Variants in KCNIP4 observed in about 807,000 individuals in gnomAD.
The protein encoded by KCNIP4 is Kv channel-interacting protein 4.
A neutral mutation model predicts 34.0 loss-of-function variants in KCNIP4; 12 were observed. That is an observed-to-expected ratio of 0.35 (90% confidence interval 0.23 to 0.57). The LOEUF (loss-of-function observed/expected upper bound fraction) is 0.57. Ranked by LOEUF, KCNIP4 falls within the 20% of genes least tolerant of loss-of-function variation. The pLI, the probability that KCNIP4 is intolerant of heterozygous loss-of-function variation, is 0.83. For missense variants in KCNIP4, 238 were observed against 311.7 expected, an observed-to-expected ratio of 0.76 and a Z score of 1.78; for synonymous variants, 124 against 102.2, an observed-to-expected ratio of 1.21 and a Z score of -1.29.
chr4:20,795,031 T>G (rs1366950230), intron 3 of KCNIP4, among the ~76,000 whole-genome samples: 3 of 152,182 alleles, frequency 2.0e-5, no homozygotes, highest in Admixed American at 2.0e-4. Flanking sequence ...TTGCAGTAAT[T>G]TACAGCTTGA....
intron 1 of KCNIP4, among the ~76,000 whole-genome samples, chr4:21,105,081 C>T (rs1206595136): frequency 1.3e-5 from 2 of 151,656 alleles, no homozygotes; most frequent in Non-Finnish European, 2.9e-5. Flanking sequence ...AATGTGGTCT[C>T]TTTTTTGGTT....
chr4:21,289,177 C>T (rs1763290422), intron 1 of KCNIP4, among the ~76,000 whole-genome samples: 1 of 152,100 alleles, frequency 6.6e-6, no homozygotes, highest in Admixed American at 6.5e-5. Flanking sequence ...ATTAAGGATA[C>T]ATAATGGGTG....
intron 1 of KCNIP4, among the ~76,000 whole-genome samples, chr4:21,063,972 C>A (rs1293708475): frequency 6.6e-6 from 1 of 152,060 alleles, no homozygotes; most frequent in South Asian, 2.1e-4. Flanking sequence ...CTCTGCAGAT[C>A]CAAAGATTCA....
intron 3 of KCNIP4, among the ~76,000 whole-genome samples, chr4:20,770,982 A>C (rs1378188844): frequency 1.3e-5 from 2 of 152,112 alleles, no homozygotes; most frequent in Non-Finnish European, 2.9e-5. Context: ...ACAATATAAC[A>C]ACTATTTACA....
intron 1 of KCNIP4, among the ~76,000 whole-genome samples, chr4:21,519,822 C>CACACGTGTGTGTATGTGTGTAT (rs1735361839): frequency 7.2e-6 from 1 of 138,080 alleles, no homozygotes; most frequent in African/African-American, 2.7e-5. Flanking sequence ...TGTGTGTATA[C>CACACGTGTGTGTATGTGTGTAT]ACACGTGTGT....
chr4:21,770,813 G>T (rs975965175), intron 1 of KCNIP4, among the ~76,000 whole-genome samples: 1 of 152,016 alleles, frequency 6.6e-6, no homozygotes, highest in African/African-American at 2.4e-5. Flanking sequence ...TTGTAAATAT[G>T]TTTAAGTTAC....
At chr4:21,215,654 T>C (rs986616214) in intron 1 of KCNIP4, among the ~76,000 whole-genome samples, 1 of 152,132 alleles carries the variant, frequency 6.6e-6, no homozygotes, top group African/African-American at 2.4e-5. Context: ...CTGGCACATC[T>C]TACAGGATAG....
intron 1 of KCNIP4, among the ~76,000 whole-genome samples, chr4:21,686,903 A>C (rs1056760769): frequency 6.6e-6 from 1 of 150,728 alleles, no homozygotes. Flanking sequence ...ACAATAGCAA[A>C]GACTTGGAAC....
rs536115671 is a variant in KCNIP4, at chr4:21,642,049, C to T, written c.61+306522G>A. On this transcript the variant is annotated intron_variant, in intron 1 of 8. Transcript: ENST00000382152. ...GATATTGATTTGCCTTTTCTGCACACGATGTTTCTGCCAACACTACCTACT... is the reference window on the plus strand; with the variant it reads ...GATATTGATTTGCCTTTTCTGCACATGATGTTTCTGCCAACACTACCTACT... Among the ~76,000 whole-genome samples the T allele has an allele frequency of 1.8e-3, 270 of 152,282 alleles. 3 individuals are homozygous for T. Among genetic ancestry groups the T allele is most frequent in the African/African-American group, 6.1e-3 (254 of 41,554 alleles).
intron 1 of KCNIP4, among the ~76,000 whole-genome samples, chr4:21,678,305 A>ATTTTTTTTTT (rs59561334): frequency 6.8e-5 from 8 of 117,578 alleles, no homozygotes; most frequent in East Asian, 2.4e-4. Flanking sequence ...TCTTCTTTTG[A>ATTTTTTTTTT]TTTTTTTTTT....
At chr4:20,999,880 G>T (rs1737945823) in intron 1 of KCNIP4, among the ~76,000 whole-genome samples, 1 of 152,154 alleles carries the variant, frequency 6.6e-6, no homozygotes, top group South Asian at 2.1e-4. Context: ...TCTGAAACAA[G>T]AAGGAAACAG....
At chr4:21,598,127 C>T (rs546426932) in intron 1 of KCNIP4, among the ~76,000 whole-genome samples, 6 of 152,098 alleles carry the variant, frequency 3.9e-5, no homozygotes, top group East Asian at 3.9e-4. Context: ...GGAGAGAACA[C>T]GGAAGAATGT....
chr4:21,908,247 C>T (rs891883998), intron 1 of KCNIP4, among the ~76,000 whole-genome samples: 5 of 152,128 alleles, frequency 3.3e-5, no homozygotes, highest in Non-Finnish European at 7.4e-5. Flanking sequence ...TTCCACACTT[C>T]CCCTCATTCC....
chr4:21,365,478 A>AAATAAAT (rs1719653513), intron 1 of KCNIP4, among the ~76,000 whole-genome samples: 9 of 132,108 alleles, frequency 6.8e-5, no homozygotes, highest in African/African-American at 1.8e-4. Context: ...ACTGTCTCAA[A>AAATAAAT]AAATAAATAA....
chr4:21,246,308 C>T (rs1051733351), intron 1 of KCNIP4, among the ~76,000 whole-genome samples: 15 of 152,196 alleles, frequency 9.9e-5, no homozygotes, highest in African/African-American at 2.7e-4. Flanking sequence ...TCCCAAAAGA[C>T]AGACTGCCTG....
intron 5 of KCNIP4, among the ~76,000 whole-genome samples, chr4:20,743,581 A>T (rs527250045): frequency 4.5e-4 from 69 of 152,320 alleles, no homozygotes; most frequent in African/African-American, 1.6e-3. Flanking sequence ...AGAAAGCTGA[A>T]ACTGGATCCC....
intron 1 of KCNIP4, among the ~76,000 whole-genome samples, chr4:21,889,977 TG>T (rs1289912880): frequency 6.6e-6 from 1 of 152,114 alleles, no homozygotes; most frequent in Non-Finnish European, 1.5e-5. Flanking sequence ...AATTTGTTGT[TG>T]GTATCCACAA....
intron 1 of KCNIP4, among the ~76,000 whole-genome samples, chr4:21,242,142 C>G (rs1189248176): frequency 1.6e-5 from 2 of 123,554 alleles, no homozygotes; most frequent in Non-Finnish European, 3.1e-5. Context: ...CCATCCTGGG[C>G]GACAGAGCGA....
At chr4:21,340,207 TTAAACTG>T (rs1343978504) in intron 1 of KCNIP4, among the ~76,000 whole-genome samples, 1 of 152,136 alleles carries the variant, frequency 6.6e-6, no homozygotes, top group African/African-American at 2.4e-5. Flanking sequence ...ATTATTATGT[TTAAACTG>T]TAACTCTACA....
Sources: allele counts gnomAD v4.1 joint callset (sites outside exome capture counted in the v4.1 genomes callset), GRCh38; gene constraint gnomAD v4.1.1; transcripts MANE v1.5; gene names NCBI Gene and HGNC (gene_info 2026-07-23, HGNC 2026-07-21).